Variants in TTC17 observed in about 807,000 individuals in gnomAD.
The protein encoded by TTC17 is tetratricopeptide repeat protein 17.
Under a neutral mutation model 143.8 loss-of-function variants are expected in TTC17, and 58 were observed. The observed-to-expected ratio is 0.40, with a 90% CI of 0.33 to 0.50. The LOEUF is 0.50. Ranked by LOEUF, TTC17 falls within the 20% of genes least tolerant of loss-of-function variation. The pLI is 0.49. For missense variants in TTC17, 1,273 were observed against 1,392.5 expected (o/e 0.91, Z 1.37); for synonymous variants, 501 against 497.8 (o/e 1.01, Z -0.09).
At chr11:43,493,529 T>C (rs1214312684) in intron 23 of TTC17, among the ~76,000 whole-genome samples, 3 of 152,146 alleles carry the variant, frequency 2.0e-5, no homozygotes, top group African/African-American at 7.2e-5. Context: ...CCCTTTTCCT[T>C]TTGTTCTTGG....
chr11:43,397,247 C>T, intron 6 of TTC17, 100 bp from the exon 7 acceptor site: 2 of 1,282,002 alleles, frequency 1.6e-6, no homozygotes, highest in Non-Finnish European at 2.1e-6. Flanking sequence ...CTTATTTTCT[C>T]CACCTATATC....
chr11:43,398,240 C>A lies in TTC17; in HGVS notation c.1058+127C>A, dbSNP rs1857702442. On this transcript the variant is annotated intron_variant, in intron 8 of 23. Coordinates refer to ENST00000039989, the MANE Select transcript of TTC17 (RefSeq NM_018259.6). ...AAGAAACCTCTTCACTACTGCAAGT[C>A]CTATCCTTTTTCTGTAAGTCCTGGT... 9 of 1,192,592 alleles carry A rather than the reference C, an allele frequency of 7.5e-6. No individual in the cohort carries two copies. The South Asian group carries it at 1.0e-4, about 14-fold the overall frequency. The allele number at this position is 1,192,592 out of a possible 1,614,324, so 73.9% of individuals were successfully genotyped here.
intron 21 of TTC17, among the ~76,000 whole-genome samples, chr11:43,457,593 A>T (rs1246035318): frequency 6.6e-6 from 1 of 152,216 alleles, no homozygotes; most frequent in African/African-American, 2.4e-5. Flanking sequence ...AGATGAAGAA[A>T]GTAGATGAAA....
intron 1 of TTC17, among the ~76,000 whole-genome samples, chr11:43,363,665 T>G (rs1420238102): frequency 1.3e-5 from 2 of 152,220 alleles, no homozygotes; most frequent in African/African-American, 4.8e-5. Context: ...GAAAACATTC[T>G]TAAAGATTAT....
intron 2 of TTC17, among the ~76,000 whole-genome samples, chr11:43,386,337 A>C (rs1190639635): frequency 6.6e-6 from 1 of 152,242 alleles, no homozygotes; most frequent in African/African-American, 2.4e-5. Flanking sequence ...GAGTGTACTT[A>C]CACAAACCTA....
chr11:43,483,581 C>T (rs550799409), intron 21 of TTC17, among the ~76,000 whole-genome samples: 10 of 151,854 alleles, frequency 6.6e-5, no homozygotes, highest in East Asian at 1.9e-4. Flanking sequence ...TCTAGGAAAA[C>T]GCAAAATTTG....
intron 21 of TTC17, among the ~76,000 whole-genome samples, chr11:43,472,478 G>A (rs764959949): frequency 1.4e-4 from 21 of 152,152 alleles, no homozygotes; most frequent in Non-Finnish European, 2.6e-4. Context: ...ATGATAAAAT[G>A]ATCACTAGGG....
At chr11:43,394,958 CATT>C (rs1857523406) in intron 5 of TTC17, among the ~76,000 whole-genome samples, 1 of 152,050 alleles carries the variant, frequency 6.6e-6, no homozygotes, top group African/African-American at 2.4e-5. Context: ...TTCACAGTAA[CATT>C]AGAACATTTA....
intron 2 of TTC17, among the ~76,000 whole-genome samples, chr11:43,384,409 A>C (rs1005501926): frequency 1.3e-5 from 2 of 152,080 alleles, no homozygotes; most frequent in African/African-American, 2.4e-5. Flanking sequence ...TAATCCCAGC[A>C]CTCTGGGGGG....
In TTC17 at chr11:43,446,755, C is replaced by T. The variant is rs1008910118; in HGVS notation, c.2666-1247C>T. On this transcript the variant is annotated intron_variant, in intron 18 of 23. Coordinates refer to ENST00000039989, the MANE Select transcript of TTC17 (RefSeq NM_018259.6). ...CCTTCCTGCCTATTCCATTATAACT[C>T]CTTCAGAAAACCCTTCCCAGACAAG... 9 of 852,330 alleles carry T rather than the reference C, an allele frequency of 1.1e-5. No homozygotes were observed. The African/African-American group carries it at 1.6e-4, about 16-fold the overall frequency. 52.8% of individuals were successfully genotyped at this position (852,330 alleles called of 1,614,324 possible). A position where few individuals can be genotyped will look rare whatever the true frequency, so the allele number is the denominator to read the frequency against.
Position 43,462,921 on chromosome 11 carries a change from C to CTTTTTTTTT in TTC17, c.3030+11660_3030+11668dup, listed in dbSNP as rs562594929. Among the ~76,000 whole-genome samples, 13 of 117,720 alleles carry CTTTTTTTTT rather than the reference C, an allele frequency of 1.1e-4. 2 individuals are homozygous for CTTTTTTTTT. The highest frequency in any genetic ancestry group is 2.8e-4 in the African/African-American group (7 of 24,708). 77.2% of individuals were successfully genotyped at this position (117,720 alleles called of 152,430 possible). ...CACTGAATCCAGCAGTGACAAAATT[C>CTTTTTTTTT]TTTTTTTTTTTTGAGACAGAGTCTC... On this transcript the variant is annotated intron_variant, in intron 21 of 23. Transcript: ENST00000039989.
chr11:43,446,214 C>T (rs1246757121), intron 18 of TTC17: 2 of 1,259,030 alleles, frequency 1.6e-6, no homozygotes, highest in Non-Finnish European at 2.0e-6. Flanking sequence ...GCCTGGAATG[C>T]CCTGTGCCCC....
At chr11:43,461,353 C>T (rs934984494) in intron 21 of TTC17, among the ~76,000 whole-genome samples, 4 of 140,490 alleles carry the variant, frequency 2.8e-5, no homozygotes, top group African/African-American at 1.1e-4. Context: ...CACTGCAGTC[C>T]GCAGTCCGGC....
chr11:43,397,926 G>GTA, intron 7 of TTC17, 48 bp from the exon 8 acceptor site: 1 of 1,327,874 alleles, frequency 7.5e-7, no homozygotes, highest in Non-Finnish European at 1.0e-6. Context: ...GTGTGTGTGT[G>GTA]TGTGTGTGTG....
At chr11:43,397,610 A>C (rs1342206056) in intron 7 of TTC17, 119 bp downstream of exon 7, 4 of 1,183,534 alleles carry the variant, frequency 3.4e-6, no homozygotes, top group Non-Finnish European at 3.4e-6. Context: ...TGAACGATGG[A>C]AATGAAATTA....
chr11:43,449,997 C>G (rs985208880), intron 19 of TTC17, 85 bp from the exon 20 acceptor site: 4 of 1,441,952 alleles, frequency 2.8e-6, no homozygotes, highest in East Asian at 4.8e-5. Flanking sequence ...AATGCTGTCT[C>G]TCCTTGATTG....
intron 21 of TTC17, among the ~76,000 whole-genome samples, chr11:43,471,305 G>A (rs903306518): frequency 1.3e-5 from 2 of 152,170 alleles, no homozygotes; most frequent in African/African-American, 4.8e-5. Context: ...GTAGAGGCTC[G>A]TAGACATTAC....
At chr11:43,368,356 C>A (rs1856430994) in intron 1 of TTC17, among the ~76,000 whole-genome samples, 1 of 152,162 alleles carries the variant, frequency 6.6e-6, no homozygotes, top group Non-Finnish European at 1.5e-5. Context: ...GTTGTCATCA[C>A]AAATACATCA....
In TTC17 at chr11:43,493,823, G is replaced by A; in HGVS notation, c.3345G>A (p.Gln1115=). 1 of 1,614,052 alleles carries A rather than the reference G, an allele frequency of 6.2e-7. No homozygotes were observed. Among genetic ancestry groups the A allele is most frequent in the Non-Finnish European group, 8.5e-7 (1 of 1,179,992 alleles). The change falls in exon 24 of 24, where the codon CAG becomes CAA. Residue 1115 remains glutamine (Q), a synonymous_variant. Transcript: ENST00000039989. ...GGTATGAATCCACATTGAAGCTTCA[G>A]CCCGAGTTTGTCCCAGCCAAGAACC... is the stretch of plus-strand genomic sequence containing the variant. ...LVWYESTLKL[Q]PEFVPAKNRI...
Sources: allele counts gnomAD v4.1 joint callset (sites outside exome capture counted in the v4.1 genomes callset), GRCh38; gene constraint gnomAD v4.1.1; transcripts MANE v1.5; gene names NCBI Gene and HGNC (gene_info 2026-07-23, HGNC 2026-07-21).